Variants in SPINK13 observed in about 807,000 individuals in gnomAD.
SPINK13 encodes the protein serine peptidase inhibitor Kazal type 13.
In SPINK13, 11 loss-of-function variants were observed where a neutral mutation model predicts 11.0. The ratio of observed to expected loss-of-function variants is 1.00; its 90% CI spans 0.63 to 1.65. The LOEUF is 1.65. SPINK13 is among the 40% of genes most tolerant of loss of function. The probability of loss-of-function intolerance (pLI) is 0.00; values close to 1 mark genes in which losing one functional copy is unlikely to be tolerated. For synonymous variants in SPINK13, 31 were observed against 35.6 expected (o/e 0.87, Z 0.46); for missense variants, 113 against 117.7 (o/e 0.96, Z 0.19).
intron 2 of SPINK13, chr5:148,270,657 C>G (rs1489453012): frequency 6.5e-6 from 1 of 152,800 alleles, no homozygotes; most frequent in Non-Finnish European, 1.5e-5. Context: ...TATCCAAGTC[C>G]TAATCACTGG....
At chr5:148,269,835 G>GGA (rs1554115454) in intron 1 of SPINK13, among the ~76,000 whole-genome samples, 3 of 148,804 alleles carry the variant, frequency 2.0e-5, no homozygotes, top group African/African-American at 7.4e-5. Context: ...GTTTTTGGCA[G>GGA]AAAAAAAAAA....
intron 4 of SPINK13, among the ~76,000 whole-genome samples, chr5:148,284,609 C>T (rs1462804736): frequency 6.6e-6 from 1 of 151,962 alleles, no homozygotes; most frequent in East Asian, 1.9e-4. Flanking sequence ...AATTTTCATG[C>T]CATTTCTATA....
intron 3 of SPINK13, among the ~76,000 whole-genome samples, chr5:148,276,835 G>C (rs897666044): frequency 3.9e-5 from 6 of 152,164 alleles, no homozygotes; most frequent in African/African-American, 1.4e-4. Context: ...AGCTTGATGG[G>C]AATAGCATTG....
At chr5:148,273,668 T>C (rs1756382382) in intron 2 of SPINK13, among the ~76,000 whole-genome samples, 1 of 152,238 alleles carries the variant, frequency 6.6e-6, no homozygotes, top group Admixed American at 6.5e-5. Flanking sequence ...GATTTCTAAA[T>C]ATCGTGCAGA....
At chr5:148,271,044 C>T (rs569449030) in intron 2 of SPINK13, 4 of 152,136 alleles carry the variant, frequency 2.6e-5, no homozygotes, top group African/African-American at 4.8e-5. Context: ...AAGTTTGTGA[C>T]AATTCATTAC....
intron 3 of SPINK13, among the ~76,000 whole-genome samples, chr5:148,275,606 G>GA (rs1238459304): frequency 1.3e-5 from 2 of 151,676 alleles, no homozygotes; most frequent in Admixed American, 1.3e-4. Flanking sequence ...CACCAACAGT[G>GA]AAAAAGCATT....
At chr5:148,272,257 T>A (rs534548779) in intron 2 of SPINK13, among the ~76,000 whole-genome samples, 5 of 152,242 alleles carry the variant, frequency 3.3e-5, no homozygotes, top group Non-Finnish European at 7.4e-5. Flanking sequence ...AAGAGTAGAG[T>A]TGCTATGCTA....
At chr5:148,278,251 T>G (rs1756460609) in intron 3 of SPINK13, among the ~76,000 whole-genome samples, 1 of 152,214 alleles carries the variant, frequency 6.6e-6, no homozygotes, top group Non-Finnish European at 1.5e-5. Context: ...TTGAAGGGGT[T>G]TTTGAGTCTC....
At chr5:148,281,604 G>A (rs1454603827) in intron 3 of SPINK13, among the ~76,000 whole-genome samples, 2 of 152,090 alleles carry the variant, frequency 1.3e-5, no homozygotes, top group African/African-American at 4.8e-5. Flanking sequence ...TTTACCCTCC[G>A]TGGGCTGTAC....
At chr5:148,285,704 A>G (rs1026906684) in intron 4 of SPINK13, among the ~76,000 whole-genome samples, 1 of 152,170 alleles carries the variant, frequency 6.6e-6, no homozygotes, top group African/African-American at 2.4e-5. Flanking sequence ...CTTGGTAAAA[A>G]AAAATCTGGT....
chr5:148,281,134 C>G (rs1034346671), intron 3 of SPINK13, among the ~76,000 whole-genome samples: 8 of 152,160 alleles, frequency 5.3e-5, no homozygotes, highest in African/African-American at 1.9e-4. Context: ...GCCCCTCCCC[C>G]CACCAAGCTT....
At chr5:148,275,195 T>C (rs1756407277) in intron 3 of SPINK13, among the ~76,000 whole-genome samples, 1 of 152,216 alleles carries the variant, frequency 6.6e-6, no homozygotes, top group African/African-American at 2.4e-5. Flanking sequence ...TCATGTGTTC[T>C]CATTGTTCAA....
chr5:148,269,173 C>T (rs955162512), intron 1 of SPINK13, among the ~76,000 whole-genome samples: 7 of 152,122 alleles, frequency 4.6e-5, no homozygotes, highest in Admixed American at 6.5e-5. Flanking sequence ...ATATTTCACT[C>T]CTAGCAAAGA....
At chr5:148,274,503 T>C (rs1756395935) in intron 3 of SPINK13, 119 bp downstream of exon 3, 5 of 763,506 alleles carry the variant, frequency 6.5e-6, no homozygotes, top group African/African-American at 1.8e-5. Context: ...ATTCCAGAAC[T>C]TAGGGAAGCT....
intron 3 of SPINK13, among the ~76,000 whole-genome samples, chr5:148,274,841 G>A (rs936138371): frequency 6.6e-5 from 10 of 152,276 alleles, no homozygotes; most frequent in African/African-American, 2.4e-4. Context: ...TGTCTCCCAT[G>A]TAGCACAAGC....
chr5:148,283,095 C>T (rs1304898937), intron 4 of SPINK13, among the ~76,000 whole-genome samples: 2 of 152,190 alleles, frequency 1.3e-5, no homozygotes, highest in South Asian at 2.1e-4. Context: ...TGTCTTCTCC[C>T]AGTGGACTCA....
rs565873894 is a variant in SPINK13, at chr5:148,282,093, T to C, written c.109-11T>C. ...TATTATTTGTCACTTTATGGTGTCA[T>C]GTATTTGCAGCCCCGATGTAAAATG... On this transcript the variant is annotated splice_polypyrimidine_tract_variant and intron_variant, in intron 3 of 4. Coordinates refer to ENST00000398450, the MANE Select transcript of SPINK13 (RefSeq NM_001040129.3). 3 of 1,613,956 alleles carry C rather than the reference T, an allele frequency of 1.9e-6. No homozygotes were observed. Among genetic ancestry groups the C allele is most frequent in the South Asian group, 1.1e-5 (1 of 91,052 alleles).
chr5:148,278,481 A>G (rs1257357298), intron 3 of SPINK13, among the ~76,000 whole-genome samples: 1 of 152,140 alleles, frequency 6.6e-6, no homozygotes, highest in East Asian at 1.9e-4. Flanking sequence ...CTTTGTTCTC[A>G]TCAGTTTCAA....
At chr5:148,278,235 G>T (rs1300430820) in intron 3 of SPINK13, among the ~76,000 whole-genome samples, 1 of 152,072 alleles carries the variant, frequency 6.6e-6, no homozygotes, top group Non-Finnish European at 1.5e-5. Context: ...TAGATTCATT[G>T]ATTTTTTGAA....
Sources: gnomAD v4.1 joint callset for allele counts (sites outside exome capture counted in the v4.1 genomes callset) on GRCh38, gnomAD v4.1.1 for gene constraint, MANE v1.5 for transcripts, NCBI Gene and HGNC (gene_info 2026-07-23, HGNC 2026-07-21) for gene names.